MDGA2: variants seen among roughly 807,000 people sequenced by gnomAD.
MDGA2 encodes MAM domain-containing glycosylphosphatidylinositol anchor protein 2.
In MDGA2, 40 loss-of-function variants were observed where a neutral mutation model predicts 117.8. The ratio of observed to expected loss-of-function variants is 0.34; its 90% CI spans 0.26 to 0.44. MDGA2 has a LOEUF of 0.44. MDGA2 is among the 20% of genes least tolerant of loss of function. The pLI, the probability that MDGA2 is intolerant of heterozygous loss-of-function variation, is 1.00. For synonymous variants in MDGA2, 452 were observed against 439.0 expected (o/e 1.03, Z -0.37); for missense variants, 1,123 against 1,250.6 (o/e 0.90, Z 1.54).
chr14:47,490,289 T>A (rs984189373), intron 1 of MDGA2, among the ~76,000 whole-genome samples: 1 of 152,098 alleles, frequency 6.6e-6, no homozygotes, highest in Non-Finnish European at 1.5e-5. Context: ...CTCTACTGAC[T>A]ACCCCAGCAC....
At chr14:47,170,035 AT>A (rs1381826707) in intron 3 of MDGA2, among the ~76,000 whole-genome samples, 1 of 152,160 alleles carries the variant, frequency 6.6e-6, no homozygotes, top group Non-Finnish European at 1.5e-5. Context: ...TATTGCAACA[AT>A]CCGGAGTTAA....
intron 1 of MDGA2, among the ~76,000 whole-genome samples, chr14:47,392,447 G>A (rs978092451): frequency 6.6e-6 from 1 of 152,062 alleles, no homozygotes; most frequent in African/African-American, 2.4e-5. Context: ...TTATAATACA[G>A]ACTCATGCAA....
chr14:47,202,439 G>A (rs985225098), intron 3 of MDGA2, among the ~76,000 whole-genome samples: 1 of 151,790 alleles, frequency 6.6e-6, no homozygotes, highest in Non-Finnish European at 1.5e-5. Flanking sequence ...TTTTAAAAAG[G>A]GCCCTTTATC....
intron 5 of MDGA2, among the ~76,000 whole-genome samples, chr14:47,118,352 T>C (rs1031134525): frequency 4.6e-5 from 7 of 152,306 alleles, no homozygotes; most frequent in East Asian, 3.9e-4. Context: ...CTACACAAAA[T>C]TGAATATTGC....
chr14:46,920,191 T>A, intron 9 of MDGA2, 31 bp from the exon 10 acceptor site: 1 of 1,599,544 alleles, frequency 6.3e-7, no homozygotes, highest in Non-Finnish European at 8.5e-7. Context: ...TAAATTTGAA[T>A]GATGACATAT....
intron 8 of MDGA2, among the ~76,000 whole-genome samples, chr14:46,995,711 T>C (rs1342282025): frequency 6.6e-6 from 1 of 151,938 alleles, no homozygotes; most frequent in Non-Finnish European, 1.5e-5. Flanking sequence ...AAAAATCAGT[T>C]CACACACTTA....
At position 47,675,110 on chromosome 14, in the gene MDGA2, C is replaced by A. The variant is rs1276920006; in HGVS notation, c.-314G>T. Among the ~76,000 whole-genome samples, 1 of 151,818 alleles carries A rather than the reference C, an allele frequency of 6.6e-6. No homozygotes were observed. The highest frequency in any genetic ancestry group is 1.5e-5 in the Non-Finnish European group (1 of 67,886). On this transcript the variant is annotated 5_prime_UTR_variant, in exon 1 of 17. Transcript: ENST00000399232. ...AGGAAGTGGCCTCTGACCCAGGACA[C>A]CGAGCAGGGCTCTCTTGCCTGGATT...
chr14:46,882,072 A>G lies in MDGA2; in HGVS notation c.2388T>C (p.Asp796=), dbSNP rs530586257. The G allele has an allele frequency of 1.2e-6, 2 of 1,610,118 alleles. No individual in the cohort carries two copies. The highest frequency in any genetic ancestry group is 1.7e-6 in the Non-Finnish European group (2 of 1,177,650). ...LTPLTKFGEG[D]STIRVIKYSA... ...TATATTTGATCACACGAATTGTTGAATCTCCTTCACCAAATTTGGTGAGAG... is the reference window on the plus strand; with the variant it reads ...TATATTTGATCACACGAATTGTTGAGTCTCCTTCACCAAATTTGGTGAGAG... Residue 796 remains aspartate (D), a synonymous_variant, in exon 11 of 17, where the codon GAT becomes GAC. Transcript: ENST00000399232.
intron 14 of MDGA2, among the ~76,000 whole-genome samples, chr14:46,859,075 A>G (rs567533302): frequency 6.6e-6 from 1 of 152,116 alleles, no homozygotes; most frequent in Non-Finnish European, 1.5e-5. Context: ...CAATCTCTAA[A>G]TCTGTCTTAC....
At chr14:47,022,623 G>T (rs1013887344) in intron 8 of MDGA2, among the ~76,000 whole-genome samples, 1 of 152,248 alleles carries the variant, frequency 6.6e-6, no homozygotes, top group East Asian at 1.9e-4. Context: ...TACAGACTTA[G>T]AATTTTAAAA....
At chr14:47,460,994 T>C (rs1893471517) in intron 1 of MDGA2, among the ~76,000 whole-genome samples, 1 of 152,216 alleles carries the variant, frequency 6.6e-6, no homozygotes, top group African/African-American at 2.4e-5. Flanking sequence ...AGGAATTCCT[T>C]TCAGTTTGAT....
chr14:47,105,803 A>G (rs1211017188), intron 5 of MDGA2, among the ~76,000 whole-genome samples: 1 of 150,972 alleles, frequency 6.6e-6, no homozygotes, highest in Non-Finnish European at 1.5e-5. Flanking sequence ...GAGTCTTTCT[A>G]ATCTTCCTTT....
At chr14:47,533,312 T>A (rs570809473) in intron 1 of MDGA2, among the ~76,000 whole-genome samples, 1 of 152,226 alleles carries the variant, frequency 6.6e-6, no homozygotes, top group South Asian at 2.1e-4. Flanking sequence ...ACAGATCATG[T>A]TGCATACATT....
At chr14:47,438,646 C>T (rs1245294808) in intron 1 of MDGA2, among the ~76,000 whole-genome samples, 1 of 152,090 alleles carries the variant, frequency 6.6e-6, no homozygotes, top group Admixed American at 6.6e-5. Flanking sequence ...GCTGCAACTC[C>T]CAAGCTGGAA....
intron 8 of MDGA2, chr14:46,960,642 G>C (rs1428524767): frequency 6.6e-6 from 1 of 151,510 alleles, no homozygotes; most frequent in Non-Finnish European, 1.5e-5. Context: ...GTATGTGTGT[G>C]TATACATTTT....
intron 3 of MDGA2, among the ~76,000 whole-genome samples, chr14:47,215,979 T>C (rs1886072350): frequency 6.6e-6 from 1 of 152,074 alleles, no homozygotes; most frequent in South Asian, 2.1e-4. Context: ...CGTGGTTGAA[T>C]GGAAGAGGAG....
chr14:47,385,462 C>T (rs1318523611), intron 1 of MDGA2, among the ~76,000 whole-genome samples: 2 of 151,930 alleles, frequency 1.3e-5, no homozygotes, highest in African/African-American at 4.8e-5. Context: ...AAAATTGAAA[C>T]ACAATCATAA....
chr14:47,537,767 C>T (rs903161959), intron 1 of MDGA2, among the ~76,000 whole-genome samples: 1 of 152,024 alleles, frequency 6.6e-6, no homozygotes, highest in Admixed American at 6.6e-5. Context: ...GTTTAAACTT[C>T]CCCCTACTTC....
At chr14:47,567,275 A>C (rs1467448964) in intron 1 of MDGA2, among the ~76,000 whole-genome samples, 2 of 152,178 alleles carry the variant, frequency 1.3e-5, no homozygotes, top group Non-Finnish European at 2.9e-5. Context: ...TTTGCAATTC[A>C]TGTTTATTAT....
Sources: allele counts gnomAD v4.1 joint callset (sites outside exome capture counted in the v4.1 genomes callset), GRCh38; gene constraint gnomAD v4.1.1; transcripts MANE v1.5; gene names NCBI Gene and HGNC (gene_info 2026-07-23, HGNC 2026-07-21).